The following TRMT11 variants were observed in gnomAD, a reference collection of about 807,000 sequenced individuals.
TRMT11 encodes tRNA methyltransferase 11.
Under a neutral mutation model 62.8 loss-of-function variants are expected in TRMT11, and 53 were observed. The observed-to-expected ratio is 0.84, with a 90% CI of 0.68 to 1.06. TRMT11 has a LOEUF of 1.06. TRMT11 is among the 50% of genes least tolerant of loss of function. The pLI is 0.00. For synonymous variants in TRMT11, 188 were observed against 190.3 expected (o/e 0.99, Z 0.10); for missense variants, 556 against 553.4 (o/e 1.00, Z -0.05).
At chr6:126,152,996 A>T (rs1562335330) in intron 21 of TRMT11, among the ~76,000 whole-genome samples, 1 of 152,220 alleles carries the variant, frequency 6.6e-6, no homozygotes, top group Non-Finnish European at 1.5e-5. Context: ...ACACGCTCAG[A>T]TACTTCATCT....
intron 10 of TRMT11, 39 bp downstream of exon 10, chr6:126,012,891 A>G: frequency 6.2e-7 from 1 of 1,609,686 alleles, no homozygotes; most frequent in South Asian, 1.1e-5. Flanking sequence ...CTACCTTGAG[A>G]AGAGGCATGT....
Position 126,091,325 on chromosome 6 carries a change from C to T in TRMT11, c.*1438-21541C>T, listed in dbSNP as rs1035223314. On this transcript the variant is annotated intron_variant and NMD_transcript_variant, in intron 17 of 22. Transcript: ENST00000648977. ...GGAAGTATAAGCAGGCCGTAACCTA[C>T]GCGTACCAATCACCGACTTTTCGCC... Among the ~76,000 whole-genome samples, 10 of 152,144 alleles carry T rather than the reference C, an allele frequency of 6.6e-5. No individual in the cohort carries two copies. In the South Asian group the frequency reaches 8.3e-4, roughly 13 times the overall value.
the TRMT11 span, among the ~76,000 whole-genome samples, chr6:126,220,336 C>G: frequency 1.3e-4 from 20 of 152,168 alleles, no homozygotes; most frequent in Non-Finnish European, 2.4e-4. Flanking sequence ...TACGGAGAAG[C>G]AGCTTGCTTA....
At position 125,999,544 on chromosome 6, in the gene TRMT11, T is replaced by C. The variant is rs2128766279; in HGVS notation, c.610T>C (p.Ser204Pro). Reference protein sequence around the residue: ...IGNTSMDAGLSFIMANHGKVK... With the variant: ...IGNTSMDAGLPFIMANHGKVK... ...AAATACAAGTATGGATGCTGGTTTG[T>C]CATTCATTATGGCTAACCATGGAAA... Residue 204 changes from serine (S) to proline (P), a missense_variant, in exon 7 of 13, where the codon TCA (serine) becomes CCA (proline). By Grantham distance (74) the Ser-to-Pro change is moderately conservative (BLOSUM62 -1). Coordinates refer to ENST00000334379, the MANE Select transcript of TRMT11 (RefSeq NM_001031712.3). 6.2e-7 allele frequency: 1 copy of C among 1,611,976 alleles called. No individual in the cohort carries two copies. Among genetic ancestry groups the C allele is most frequent in the Non-Finnish European group, 8.5e-7 (1 of 1,178,516 alleles).
At chr6:126,010,894 C>T (rs950003096) in intron 8 of TRMT11, among the ~76,000 whole-genome samples, 14 of 152,048 alleles carry the variant, frequency 9.2e-5, no homozygotes, top group Non-Finnish European at 1.9e-4. Context: ...ATTTCTGTTT[C>T]ATTTATCTGA....
At chr6:126,097,695 A>G (rs1295294329) in intron 17 of TRMT11, among the ~76,000 whole-genome samples, 2 of 152,082 alleles carry the variant, frequency 1.3e-5, no homozygotes, top group Non-Finnish European at 2.9e-5. Flanking sequence ...CCAAGATTTT[A>G]TCTCATTTTT....
intron 12 of TRMT11, among the ~76,000 whole-genome samples, chr6:126,029,852 T>A (rs1773866809): frequency 6.6e-6 from 1 of 152,218 alleles, no homozygotes; most frequent in South Asian, 2.1e-4. Context: ...TTAATACTTC[T>A]ATGTTGTCAT....
At chr6:126,110,011 G>A (rs1434547881) in intron 17 of TRMT11, among the ~76,000 whole-genome samples, 1 of 152,192 alleles carries the variant, frequency 6.6e-6, no homozygotes, top group Non-Finnish European at 1.5e-5. Flanking sequence ...ATCTGGCTGG[G>A]TCTGAGAGAC....
At chr6:126,110,871 A>AAC (rs1426373991) in intron 17 of TRMT11, among the ~76,000 whole-genome samples, 2 of 152,160 alleles carry the variant, frequency 1.3e-5, no homozygotes, top group African/African-American at 2.4e-5. Flanking sequence ...ACTAGATGTC[A>AAC]ACTCTACTTA....
At chr6:126,238,683 T>G in the TRMT11 span, among the ~76,000 whole-genome samples, 1 of 152,266 alleles carries the variant, frequency 6.6e-6, no homozygotes, top group Admixed American at 6.5e-5. Flanking sequence ...AGAATGTATA[T>G]TCTGCTGATT....
At chr6:126,245,837 C>G in the TRMT11 span, among the ~76,000 whole-genome samples, 1 of 152,044 alleles carries the variant, frequency 6.6e-6, no homozygotes, top group Admixed American at 6.6e-5. Flanking sequence ...GTGGCTCATG[C>G]CTATAATTCT....
chr6:126,124,784 A>G (rs1267363488), intron 21 of TRMT11, among the ~76,000 whole-genome samples: 2 of 152,058 alleles, frequency 1.3e-5, no homozygotes, highest in Admixed American at 6.6e-5. Flanking sequence ...CTCCTAGCCA[A>G]TCTTCAGCTA....
At chr6:126,229,272 A>G in the TRMT11 span, among the ~76,000 whole-genome samples, 1 of 152,200 alleles carries the variant, frequency 6.6e-6, no homozygotes, top group Non-Finnish European at 1.5e-5. Flanking sequence ...ACACATTTAT[A>G]TTATTTTCAG....
intron 21 of TRMT11, among the ~76,000 whole-genome samples, chr6:126,161,681 ATTAT>A (rs1417904940): frequency 6.6e-6 from 1 of 152,166 alleles, no homozygotes; most frequent in Non-Finnish European, 1.5e-5. Context: ...TGGTTGAACT[ATTAT>A]TTACACTCCC....
intron 21 of TRMT11, among the ~76,000 whole-genome samples, chr6:126,163,307 T>C (rs967764866): frequency 6.6e-6 from 1 of 152,220 alleles, no homozygotes; most frequent in African/African-American, 2.4e-5. Flanking sequence ...TCTGCATCTA[T>C]TGAGATAATC....
chr6:126,178,305 A>G (rs1778414131), intron 1 of TRMT11, among the ~76,000 whole-genome samples: 1 of 152,134 alleles, frequency 6.6e-6, no homozygotes, highest in South Asian at 2.1e-4. Flanking sequence ...GTGCTTGGCC[A>G]TCTTGGCCCA....
intron 21 of TRMT11, among the ~76,000 whole-genome samples, chr6:126,142,297 A>C (rs190376547): frequency 1.5e-3 from 226 of 152,174 alleles, no homozygotes; most frequent in African/African-American, 5.0e-3. Context: ...CAGCCCAACA[A>C]TTCCACATCC....
intron 17 of TRMT11, among the ~76,000 whole-genome samples, chr6:126,110,126 T>A (rs11154344): frequency 0.21 from 32,231 of 152,136 alleles, 7,049 homozygotes; most frequent in African/African-American, 0.56. Context: ...CCTGAGACTC[T>A]TAATCAGCAA....
intron 21 of TRMT11, among the ~76,000 whole-genome samples, chr6:126,158,961 G>A (rs1485835881): frequency 6.6e-6 from 1 of 152,154 alleles, no homozygotes; most frequent in African/African-American, 2.4e-5. Flanking sequence ...CTTCTTTAAA[G>A]CCTCTGGGCT....
Sources: allele counts gnomAD v4.1 joint callset (sites outside exome capture counted in the v4.1 genomes callset), GRCh38; gene constraint gnomAD v4.1.1; transcripts MANE v1.5; gene names NCBI Gene and HGNC (gene_info 2026-07-23, HGNC 2026-07-21).